Variants in TRPM8 observed in about 807,000 individuals in gnomAD.
TRPM8 encodes the protein TRPM8 cationic channel.
TRPM8 carries 110 observed loss-of-function variants against 133.7 expected under a neutral mutation model. That is an observed-to-expected ratio of 0.82 (90% CI 0.70 to 0.96). The LOEUF (loss-of-function observed/expected upper bound fraction) is 0.96. Ranked by LOEUF, TRPM8 falls within the 40% of genes least tolerant of loss-of-function variation. The pLI, the probability that TRPM8 is intolerant of heterozygous loss-of-function variation, is 0.00. For missense variants in TRPM8, 1,291 were observed against 1,379.5 expected, an observed-to-expected ratio of 0.94 and a Z score of 1.02; for synonymous variants, 535 against 532.3, an observed-to-expected ratio of 1.01 and a Z score of -0.07.
chr2:233,963,221 G>T, intron 12 of TRPM8, 61 bp from the exon 13 acceptor site: 1 of 1,161,234 alleles, frequency 8.6e-7, no homozygotes, highest in Non-Finnish European at 1.3e-6. Context: ...CTCTCCTAGG[G>T]CTTCCTGATC....
At position 233,993,143 on chromosome 2, in the gene TRPM8, C is replaced by T. The variant is rs556209114; in HGVS notation, c.2940-3183C>T. On this transcript the variant is annotated intron_variant, in intron 21 of 25. Coordinates refer to ENST00000324695, the MANE Select transcript of TRPM8 (RefSeq NM_024080.5). ...CTGAATATGCATTATTTATGCAAAA[C>T]GGCTTTTGGGTATTAATGTCCAGTT... 3.7e-4 allele frequency among the ~76,000 whole-genome samples: 56 copies of T among 152,252 alleles called. 1 individual carries two copies. In the South Asian group the frequency reaches 6.2e-3, roughly 17 times the overall value.
rs11563128 is a variant in TRPM8, at chr2:233,985,529, C to G, written c.2762-159C>G. On this transcript the variant is annotated intron_variant, in intron 20 of 25. Coordinates refer to ENST00000324695, the MANE Select transcript of TRPM8 (RefSeq NM_024080.5). ...AGTAAATATGCATTGAGTGGATGAA[C>G]AGGTGATTCTAAGGACTATGACTTG... 5.2e-3 allele frequency among the ~76,000 whole-genome samples: 790 copies of G among 152,320 alleles called. 12 individuals carry two copies. The highest frequency in any genetic ancestry group is 0.018 in the African/African-American group (758 of 41,568).
intron 25 of TRPM8, among the ~76,000 whole-genome samples, chr2:234,016,939 T>G (rs540070093): frequency 1.3e-5 from 2 of 152,310 alleles, no homozygotes; most frequent in African/African-American, 4.8e-5. Flanking sequence ...ACCCACATTT[T>G]TATGTTATTT....
At chr2:233,980,084 G>A in intron 17 of TRPM8, 104 bp from the exon 18 acceptor site, 1 of 781,230 alleles carries the variant, frequency 1.3e-6, no homozygotes, top group East Asian at 2.8e-5. Context: ...ACACGTCATT[G>A]GCTCAAAAAG....
At chr2:234,009,090 G>A (rs1351337442) in intron 24 of TRPM8, among the ~76,000 whole-genome samples, 2 of 152,084 alleles carry the variant, frequency 1.3e-5, no homozygotes, top group Non-Finnish European at 2.9e-5. Context: ...CCTCTTTACA[G>A]AGCTGGATTT....
chr2:233,971,898 G>A (rs1691732522), intron 17 of TRPM8, among the ~76,000 whole-genome samples: 1 of 152,088 alleles, frequency 6.6e-6, no homozygotes, highest in Non-Finnish European at 1.5e-5. Flanking sequence ...TCTCTTATCT[G>A]GCCCCACCCA....
At chr2:233,978,742 AAG>A (rs1304026228) in intron 17 of TRPM8, among the ~76,000 whole-genome samples, 1 of 152,176 alleles carries the variant, frequency 6.6e-6, no homozygotes, top group East Asian at 1.9e-4. Context: ...CTGAATAAAA[AAG>A]AGAGAGAGTT....
intron 9 of TRPM8, among the ~76,000 whole-genome samples, chr2:233,950,579 A>C (rs949757577): frequency 6.6e-6 from 1 of 152,188 alleles, no homozygotes; most frequent in Admixed American, 6.5e-5. Context: ...TAAAACAGAT[A>C]AGCCCACCCT....
chr2:233,930,796 C>T, intron 3 of TRPM8, 55 bp downstream of exon 3: 1 of 1,234,416 alleles, frequency 8.1e-7, no homozygotes, highest in Non-Finnish European at 1.2e-6. Context: ...AAATTATCAG[C>T]CACCCTTACA....
Position 233,985,692 on chromosome 2 carries a change from CACGTATG to C in TRPM8, c.2769_2775del (p.Tyr924LeufsTer100), listed in dbSNP as rs767086039. On this transcript the variant is annotated frameshift_variant, in exon 21 of 26. Coordinates refer to ENST00000324695, the MANE Select transcript of TRPM8 (RefSeq NM_024080.5). LOFTEE classifies it high-confidence loss of function. ...TGTTGGTTTCTACATCCTCAGGTAC[CACGTATG>C]ACTTTGCCCACTGCACCTTCACTGG... is the stretch of plus-strand genomic sequence containing the variant. 6.2e-7 allele frequency: 1 copy of C among 1,613,584 alleles called. No homozygotes were observed. The highest frequency in any genetic ancestry group is 1.3e-5 in the African/African-American group (1 of 75,046).
At chr2:233,987,524 C>A (rs529224730) in intron 21 of TRPM8, among the ~76,000 whole-genome samples, 3 of 152,216 alleles carry the variant, frequency 2.0e-5, no homozygotes, top group South Asian at 4.1e-4. Flanking sequence ...TGTGTGGAAG[C>A]ACATACCTCT....
At chr2:233,938,340 C>T (rs796898623) in intron 4 of TRPM8, among the ~76,000 whole-genome samples, 102 of 152,364 alleles carry the variant, frequency 6.7e-4, no homozygotes, top group African/African-American at 2.3e-3. Flanking sequence ...CCACTCCCCC[C>T]AGTCTGCTTT....
intron 17 of TRPM8, among the ~76,000 whole-genome samples, chr2:233,975,111 A>G (rs1215953689): frequency 1.3e-5 from 2 of 152,170 alleles, no homozygotes; most frequent in Non-Finnish European, 2.9e-5. Context: ...TTCCTAACAC[A>G]TACTCTGTTG....
intron 9 of TRPM8, among the ~76,000 whole-genome samples, chr2:233,952,652 A>G (rs1691196757): frequency 6.6e-6 from 1 of 151,750 alleles, no homozygotes; most frequent in Admixed American, 6.6e-5. Flanking sequence ...TATCATTAAA[A>G]GGTTTCAAGC....
At chr2:234,006,974 G>A in intron 23 of TRPM8, 22 bp downstream of exon 23, 1 of 1,565,484 alleles carries the variant, frequency 6.4e-7, no homozygotes, top group South Asian at 1.1e-5. Context: ...ATCCCTTTCT[G>A]CTTTGCAAGG....
At chr2:233,926,428 G>A (rs547476820) in intron 1 of TRPM8, 105 bp from the exon 2 acceptor site, 3 of 819,946 alleles carry the variant, frequency 3.7e-6, no homozygotes, top group Admixed American at 3.6e-5. Flanking sequence ...CATTGCACGT[G>A]GCAAAGGGGA....
At chr2:233,955,392 C>G in intron 11 of TRPM8, 142 bp downstream of exon 11, 1 of 617,494 alleles carries the variant, frequency 1.6e-6, no homozygotes, top group Non-Finnish European at 2.9e-6. Context: ...ATTGCTGAGG[C>G]TTAATTTCCT....
intron 5 of TRPM8, among the ~76,000 whole-genome samples, chr2:233,940,916 A>G (rs535024528): frequency 6.6e-6 from 1 of 152,268 alleles, no homozygotes; most frequent in African/African-American, 2.4e-5. Flanking sequence ...GGAATGAGGT[A>G]ATTGGTGGTT....
At position 233,927,860 on chromosome 2, in the gene TRPM8, C is replaced by CTTCCTT. The variant is rs1553653795; in HGVS notation, c.117+1207_117+1208insTCCTTT. 7.9e-4 allele frequency among the ~76,000 whole-genome samples: 19 copies of CTTCCTT among 24,118 alleles called. 4 individuals are homozygous for CTTCCTT. The highest frequency in any genetic ancestry group is 3.5e-3 in the African/African-American group (12 of 3,460). 15.8% of individuals were successfully genotyped at this position (24,118 alleles called of 152,430 possible). On this transcript the variant is annotated intron_variant, in intron 2 of 25. Transcript: ENST00000324695. Reference sequence around the variant, plus strand: ...CCTTCCTTCCTTCCTTCCTTTCTTTCTCTTTCTTTCTTTCTTTCTTTCTTT... The same window carrying CTTCCTT: ...CCTTCCTTCCTTCCTTCCTTTCTTTCTTCCTTTCTTTCTTTCTTTCTTTCTTTCTTT...
Sources: allele counts gnomAD v4.1 joint callset (sites outside exome capture counted in the v4.1 genomes callset), GRCh38; gene constraint gnomAD v4.1.1; transcripts MANE v1.5; gene names NCBI Gene and HGNC (gene_info 2026-07-23, HGNC 2026-07-21).